Variants in EBF1 observed in about 807,000 individuals in gnomAD.
The protein encoded by EBF1 is transcription factor COE1.
Under a neutral mutation model 68.4 loss-of-function variants are expected in EBF1, and 10 were observed. The observed-to-expected ratio is 0.15, with a 90% CI of 0.09 to 0.25. The LOEUF is 0.25. EBF1 is among the 10% of genes least tolerant of loss of function. The pLI, the probability that EBF1 is intolerant of heterozygous loss-of-function variation, is 1.00. For missense variants in EBF1, 509 were observed against 794.4 expected (o/e 0.64, Z 4.32); for synonymous variants, 298 against 299.8 (o/e 0.99, Z 0.06).
In EBF1 at chr5:158,696,898, T is replaced by G. The variant is rs79319353; in HGVS notation, c.*2213A>C. 1 of 164,878 alleles carries G rather than the reference T, an allele frequency of 6.1e-6. No individual in the cohort carries two copies. The highest frequency in any genetic ancestry group is 1.1e-4 in the East Asian group (1 of 9,296). The allele number at this position is 164,878 out of a possible 1,614,324, so 10.2% of individuals were successfully genotyped here. ...TCTTTTGTGCTTTTCGATTTCTTTGTTTTTTTTTTTTTCTTTTTTTCTTTT... is the reference window on the plus strand; with the variant it reads ...TCTTTTGTGCTTTTCGATTTCTTTGGTTTTTTTTTTTTCTTTTTTTCTTTT... On this transcript the variant is annotated 3_prime_UTR_variant, in exon 16 of 16. Coordinates refer to ENST00000313708, the MANE Select transcript of EBF1 (RefSeq NM_024007.5).
At chr5:158,767,722 G>A (rs1773049585) in intron 10 of EBF1, among the ~76,000 whole-genome samples, 1 of 152,108 alleles carries the variant, frequency 6.6e-6, no homozygotes. Context: ...TGGAATAGGA[G>A]AGAACAACAG....
At chr5:158,906,473 C>A (rs1804652138) in intron 6 of EBF1, among the ~76,000 whole-genome samples, 1 of 152,058 alleles carries the variant, frequency 6.6e-6, no homozygotes, top group Non-Finnish European at 1.5e-5. Context: ...CTGTCACTTA[C>A]CTGAACATGC....
At chr5:158,953,614 G>A (rs1302471467) in intron 6 of EBF1, among the ~76,000 whole-genome samples, 4 of 152,194 alleles carry the variant, frequency 2.6e-5, no homozygotes, top group African/African-American at 4.8e-5. Context: ...TTAGGGGGAA[G>A]AGGCAAATCA....
At chr5:158,981,082 A>G (rs1430286773) in intron 6 of EBF1, among the ~76,000 whole-genome samples, 1 of 152,146 alleles carries the variant, frequency 6.6e-6, no homozygotes, top group Non-Finnish European at 1.5e-5. Flanking sequence ...CTATTCAATA[A>G]GGTGTTTCTC....
rs190292358 is a variant in EBF1 at position 158,766,965 on chromosome 5, T to C, written c.1036+10448A>G. Among the ~76,000 whole-genome samples the C allele has an allele frequency of 2.4e-3, 359 of 152,294 alleles. 2 individuals are homozygous for C. Among genetic ancestry groups the C allele is most frequent in the African/African-American group, 7.6e-3 (317 of 41,584 alleles). ...ACTAAAAAGATTAGAGGTTCAAAAC[T>C]TTACAGTCTTGCATTACATTGGCAA... On this transcript the variant is annotated intron_variant, in intron 10 of 15. Coordinates refer to ENST00000313708, the MANE Select transcript of EBF1 (RefSeq NM_024007.5).
intron 6 of EBF1, among the ~76,000 whole-genome samples, chr5:159,067,635 C>T (rs960718780): frequency 2.6e-5 from 4 of 152,146 alleles, no homozygotes; most frequent in African/African-American, 4.8e-5. Flanking sequence ...TTTCTTATCA[C>T]GGTAGCAAAC....
intron 10 of EBF1, among the ~76,000 whole-genome samples, chr5:158,752,327 C>CA (rs199938065): frequency 0.012 from 1,271 of 104,814 alleles, 10 homozygotes; most frequent in African/African-American, 0.02. Context: ...GTATTTATTC[C>CA]AAAAAAAAAA....
intron 6 of EBF1, among the ~76,000 whole-genome samples, chr5:159,066,126 T>G (rs1561929995): frequency 6.6e-6 from 1 of 152,156 alleles, no homozygotes; most frequent in Non-Finnish European, 1.5e-5. Context: ...ATAATCTTAT[T>G]GAGAGGAATC....
chr5:158,915,836 ACT>A (rs2127384688), intron 6 of EBF1, among the ~76,000 whole-genome samples: 1 of 152,282 alleles, frequency 6.6e-6, no homozygotes, highest in East Asian at 1.9e-4. Context: ...GGATGACAAA[ACT>A]CAATGCAACA....
intron 6 of EBF1, among the ~76,000 whole-genome samples, chr5:158,942,633 G>C (rs1417951122): frequency 6.6e-6 from 1 of 152,026 alleles, no homozygotes; most frequent in Non-Finnish European, 1.5e-5. Context: ...AAGGAAATAG[G>C]GATCCAGTGA....
chr5:158,846,140 A>G (rs1446075642), intron 6 of EBF1, among the ~76,000 whole-genome samples: 1 of 152,202 alleles, frequency 6.6e-6, no homozygotes, highest in Non-Finnish European at 1.5e-5. Flanking sequence ...TCCTTCCCGC[A>G]GATATTCAGG....
At chr5:159,051,557 G>C (rs1487106301) in intron 6 of EBF1, among the ~76,000 whole-genome samples, 1 of 151,370 alleles carries the variant, frequency 6.6e-6, no homozygotes. Flanking sequence ...AACTCGCTAC[G>C]TGTCGCTAAC....
intron 6 of EBF1, among the ~76,000 whole-genome samples, chr5:158,942,149 T>C (rs1248758370): frequency 2.6e-5 from 4 of 152,212 alleles, no homozygotes; most frequent in African/African-American, 9.6e-5. Flanking sequence ...CTATATAAAA[T>C]AAAATATATA....
At position 158,708,168 on chromosome 5, in the gene EBF1, G is replaced by T; in HGVS notation, c.1555C>A (p.Pro519Thr). 1 of 1,577,810 alleles carries T rather than the reference G, an allele frequency of 6.3e-7. No individual in the cohort carries two copies. Among genetic ancestry groups the T allele is most frequent in the South Asian group, 1.2e-5 (1 of 85,886 alleles). Reference protein sequence around the residue: ...SAANSPYAIVPSSPTMASSTS... With the variant: ...SAANSPYAIVTSSPTMASSTS... ...GAGGAGGCCATGGTGGGGCTGGATG[G>T]CACTACTGAGAGGGGCAATGAGAAA... Residue 519 changes from proline (P) to threonine (T), a missense_variant, in exon 15 of 16, where the codon CCA becomes ACA. This residue lies in a region of EBF1 where 205 missense variants were observed against 247.4 expected (regional missense o/e 0.83). Transcript: ENST00000313708.
At position 159,082,056 on chromosome 5, in the gene EBF1, C is replaced by T. The variant is rs573515997; in HGVS notation, c.485+2610G>A. The stretch of plus-strand genomic sequence containing the variant: ...CCTTATCCAGCCCAGGCAGTGGGGT[C>T]ACCTTTCAGACAGAACACAATGGAT... On this transcript the variant is annotated intron_variant, in intron 5 of 15. Transcript: ENST00000313708. Among the ~76,000 whole-genome samples, 40 of 152,280 alleles carry T rather than the reference C, an allele frequency of 2.6e-4. No individual in the cohort carries two copies. The South Asian group carries it at 8.3e-3, about 32-fold the overall frequency.
At chr5:159,031,914 G>A (rs1768988011) in intron 6 of EBF1, among the ~76,000 whole-genome samples, 1 of 149,962 alleles carries the variant, frequency 6.7e-6, no homozygotes, top group Non-Finnish European at 1.5e-5. Context: ...GCCATCTTTT[G>A]TGGGTGCAGT....
chr5:158,763,267 A>G (rs748628179), intron 10 of EBF1, among the ~76,000 whole-genome samples: 3 of 152,220 alleles, frequency 2.0e-5, no homozygotes, highest in African/African-American at 4.8e-5. Flanking sequence ...AGGGGACAGT[A>G]TATTTGGGTG....
chr5:158,870,118 A>G (rs573646721), intron 6 of EBF1, among the ~76,000 whole-genome samples: 39 of 152,288 alleles, frequency 2.6e-4, no homozygotes, highest in African/African-American at 9.1e-4. Flanking sequence ...GAGAGCCCAC[A>G]ACAGAAGTGT....
chr5:158,800,132 C>A (rs764586517), intron 8 of EBF1, among the ~76,000 whole-genome samples: 1 of 151,948 alleles, frequency 6.6e-6, no homozygotes, highest in East Asian at 1.9e-4. Context: ...TATATTCACA[C>A]GATAGAATAC....
Sources: gnomAD v4.1 joint callset for allele counts (sites outside exome capture counted in the v4.1 genomes callset) on GRCh38, gnomAD v4.1.1 for gene constraint, gnomAD v4.1.1 regional missense constraint, MANE v1.5 for transcripts, NCBI Gene and HGNC (gene_info 2026-07-23, HGNC 2026-07-21) for gene names.